FSTL1: variants seen among roughly 807,000 people sequenced by gnomAD.
FSTL1 encodes the protein follistatin-related protein 1.
In FSTL1, 24 loss-of-function variants were observed where a neutral mutation model predicts 45.9. That is an observed-to-expected ratio of 0.52 (90% CI 0.38 to 0.74). FSTL1 has a LOEUF of 0.74. Ranked by LOEUF, FSTL1 falls within the 30% of genes least tolerant of loss-of-function variation. FSTL1 has a pLI of 0.00. For synonymous variants in FSTL1, 120 were observed against 137.6 expected (o/e 0.87, Z 0.89); for missense variants, 340 against 381.8 (o/e 0.89, Z 0.91).
intron 2 of FSTL1, among the ~76,000 whole-genome samples, chr3:120,420,713 C>A (rs977003665): frequency 2.0e-5 from 3 of 152,114 alleles, no homozygotes; most frequent in Admixed American, 1.3e-4. Flanking sequence ...ATTTTTGATT[C>A]TTTTTAGATA....
At chr3:120,410,788 T>G (rs777037446) in intron 5 of FSTL1, 164 bp downstream of exon 5, 1 of 730,562 alleles carries the variant, frequency 1.4e-6, no homozygotes, top group East Asian at 2.6e-5. Context: ...ACAAATGTAG[T>G]TTTGCAGCTT....
At chr3:120,399,842 G>C (rs1206542723) in intron 10 of FSTL1, 41 bp downstream of exon 10, 1 of 1,372,878 alleles carries the variant, frequency 7.3e-7, no homozygotes, top group East Asian at 2.4e-5. Flanking sequence ...GGGCCTGATG[G>C]CAACAGCAAC....
chr3:120,436,632 TAAGA>T (rs1937565224), intron 2 of FSTL1, among the ~76,000 whole-genome samples: 2 of 151,768 alleles, frequency 1.3e-5, no homozygotes, highest in African/African-American at 4.8e-5. Context: ...CCACATAGGA[TAAGA>T]AAGGAAAGAA....
rs949648035 is a variant in FSTL1 at position 120,394,485 on chromosome 3, G to T, written c.*2467C>A. On this transcript the variant is annotated 3_prime_UTR_variant, in exon 11 of 11. Transcript: ENST00000295633. ...GAAAGACATTCAGACTGGTCCACGT[G>T]GGCTTGTTAGCAGGCAGAGGAACCC... 2.6e-5 allele frequency: 4 copies of T among 152,178 alleles called. No homozygotes were observed. Among genetic ancestry groups the T allele is most frequent in the Non-Finnish European group, 5.9e-5 (4 of 68,028 alleles). The allele number at this position is 152,178 out of a possible 1,614,324, so 9.4% of individuals were successfully genotyped here.
At chr3:120,412,305 T>C (rs1245179889) in intron 3 of FSTL1, among the ~76,000 whole-genome samples, 2 of 152,212 alleles carry the variant, frequency 1.3e-5, no homozygotes, top group Non-Finnish European at 1.5e-5. Flanking sequence ...AATGCAAAAG[T>C]ATTAAGAGGT....
At chr3:120,450,605 G>A in intron 2 of FSTL1, 79 bp downstream of exon 2, 2 of 941,840 alleles carry the variant, frequency 2.1e-6, no homozygotes, top group Non-Finnish European at 3.0e-6. Flanking sequence ...AGCATCCCCA[G>A]GACGCGCGCC....
Position 120,395,348 on chromosome 3 carries a change from CGAAA to C in FSTL1, c.*1600_*1603del. 1 of 263,860 alleles carries C rather than the reference CGAAA, an allele frequency of 3.8e-6. No homozygotes were observed. Among genetic ancestry groups the C allele is most frequent in the Non-Finnish European group, 7.3e-6 (1 of 136,836 alleles). The allele number at this position is 263,860 out of a possible 1,614,324, so 16.3% of individuals were successfully genotyped here. A position where few individuals can be genotyped will look rare whatever the true frequency, so the allele number is the denominator to read the frequency against. ...GAGTGGGGTTAATAATCACAGAAGT[CGAAA>C]GACACAGGACTAACTGTAAATGACT... On this transcript the variant is annotated 3_prime_UTR_variant, in exon 11 of 11. Transcript: ENST00000295633.
rs181267291 is a variant in FSTL1, at chr3:120,426,986, G to T, written c.64-10959C>A. Among the ~76,000 whole-genome samples, 195 of 152,244 alleles carry T rather than the reference G, an allele frequency of 1.3e-3. No homozygotes were observed. In the Middle Eastern group the frequency reaches 0.014, roughly 11 times the overall value. On this transcript the variant is annotated intron_variant, in intron 2 of 10. Coordinates refer to ENST00000295633, the MANE Select transcript of FSTL1 (RefSeq NM_007085.5). ...AAGTGGACTAAAATTTAAAAAAAGGGTCTAGGGCTCCCAAGGCTCTATGTT... is the reference window on the plus strand; with the variant it reads ...AAGTGGACTAAAATTTAAAAAAAGGTTCTAGGGCTCCCAAGGCTCTATGTT...
chr3:120,398,691 A>G (rs1314141668), intron 10 of FSTL1, among the ~76,000 whole-genome samples: 1 of 152,160 alleles, frequency 6.6e-6, no homozygotes, highest in African/African-American at 2.4e-5. Flanking sequence ...TTGCTTCCCA[A>G]ATAAACTATG....
intron 2 of FSTL1, chr3:120,438,594 C>T (rs1214023547): frequency 6.6e-6 from 1 of 152,212 alleles, no homozygotes; most frequent in African/African-American, 2.4e-5. Context: ...AATCAAATAT[C>T]CCAATTCCAT....
chr3:120,398,107 G>C (rs1157829117), intron 10 of FSTL1, among the ~76,000 whole-genome samples: 2 of 152,088 alleles, frequency 1.3e-5, no homozygotes, highest in Non-Finnish European at 2.9e-5. Flanking sequence ...GAGAATGGAG[G>C]GTTACTTCTA....
At chr3:120,428,446 G>A (rs1382552699) in intron 2 of FSTL1, among the ~76,000 whole-genome samples, 2 of 152,124 alleles carry the variant, frequency 1.3e-5, no homozygotes, top group African/African-American at 4.8e-5. Context: ...TTAAAAACAA[G>A]GACAGGCCGG....
At chr3:120,450,613 GC>G in intron 2 of FSTL1, 70 bp downstream of exon 2, 1 of 1,027,610 alleles carries the variant, frequency 9.7e-7, no homozygotes, top group Non-Finnish European at 1.3e-6. Context: ...CAGGACGCGC[GC>G]CCACCCGCCC....
intron 7 of FSTL1, among the ~76,000 whole-genome samples, chr3:120,403,936 A>AAC (rs1553789487): frequency 3.0e-5 from 4 of 131,392 alleles, no homozygotes; most frequent in African/African-American, 1.1e-4. Flanking sequence ...AAAAAAAAAA[A>AAC]AAAAAAAACA....
At chr3:120,445,928 A>G (rs1937729491) in intron 2 of FSTL1, among the ~76,000 whole-genome samples, 1 of 149,986 alleles carries the variant, frequency 6.7e-6, no homozygotes, top group African/African-American at 2.5e-5. Flanking sequence ...ACTCTCAGAG[A>G]AAGCACCCCT....
intron 2 of FSTL1, among the ~76,000 whole-genome samples, chr3:120,430,437 G>A (rs1937457054): frequency 6.6e-6 from 1 of 152,188 alleles, no homozygotes; most frequent in Non-Finnish European, 1.5e-5. Context: ...GATTTCTGGG[G>A]TGGTCAGGAG....
chr3:120,437,133 G>C (rs1019267608), intron 2 of FSTL1, among the ~76,000 whole-genome samples: 8 of 152,204 alleles, frequency 5.3e-5, no homozygotes, highest in Admixed American at 2.0e-4. Context: ...AAATTTCTCG[G>C]ACCATCTTTG....
intron 2 of FSTL1, among the ~76,000 whole-genome samples, chr3:120,433,268 C>G (rs1024145210): frequency 6.6e-6 from 1 of 152,190 alleles, no homozygotes; most frequent in Non-Finnish European, 1.5e-5. Context: ...GACTGAGAGA[C>G]TTAGAATCCA....
At position 120,449,141 on chromosome 3, in the gene FSTL1, T is replaced by C. The variant is rs139409531; in HGVS notation, c.63+1543A>G. ...TAAGAAGCAGACCTGGAGTTCAAGA[T>C]GGGCTCCAAAGGTAAGAGAGGTAGG... On this transcript the variant is annotated intron_variant, in intron 2 of 10. Transcript: ENST00000295633. Among the ~76,000 whole-genome samples the C allele has an allele frequency of 5.3e-5, 8 of 152,350 alleles. No homozygotes were observed. The East Asian group carries it at 1.5e-3, about 29-fold the overall frequency.
Sources: gnomAD v4.1 joint callset for allele counts (sites outside exome capture counted in the v4.1 genomes callset) on GRCh38, gnomAD v4.1.1 for gene constraint, MANE v1.5 for transcripts, NCBI Gene and HGNC (gene_info 2026-07-23, HGNC 2026-07-21) for gene names.